The following GABBR2 variants were observed in gnomAD, a reference collection of about 807,000 sequenced individuals.
GABBR2 encodes the protein G-protein coupled receptor 51.
A neutral mutation model predicts 105.6 loss-of-function variants in GABBR2; 23 were observed. The observed-to-expected ratio is 0.22, with a 90% confidence interval of 0.16 to 0.31. The LOEUF (loss-of-function observed/expected upper bound fraction) is 0.31. Ranked by LOEUF, GABBR2 falls within the 10% of genes least tolerant of loss-of-function variation. The probability of loss-of-function intolerance (pLI) is 1.00; values close to 1 mark genes in which losing one functional copy is unlikely to be tolerated. For synonymous variants in GABBR2, 478 were observed against 499.7 expected (o/e 0.96, Z 0.58); for missense variants, 734 against 1,245.5 (o/e 0.59, Z 6.18).
intron 14 of GABBR2, among the ~76,000 whole-genome samples, chr9:98,308,199 T>C (rs1830580637): frequency 6.6e-6 from 1 of 152,144 alleles, no homozygotes; most frequent in East Asian, 1.9e-4. Context: ...CTATCAGCCA[T>C]GCTACTGATG....
chr9:98,295,421 T>C (rs964012558), intron 17 of GABBR2, among the ~76,000 whole-genome samples: 3 of 152,074 alleles, frequency 2.0e-5, no homozygotes, highest in Non-Finnish European at 4.4e-5. Flanking sequence ...AGGGCTGTGA[T>C]GTGCCTTATG....
At chr9:98,300,920 C>T (rs1213207317) in intron 16 of GABBR2, among the ~76,000 whole-genome samples, 1 of 152,162 alleles carries the variant, frequency 6.6e-6, no homozygotes, top group African/African-American at 2.4e-5. Flanking sequence ...AGTCATGCCT[C>T]GTGTAATGAA....
chr9:98,535,125 G>A (rs1367524102), intron 3 of GABBR2, among the ~76,000 whole-genome samples: 2 of 152,112 alleles, frequency 1.3e-5, no homozygotes, highest in Non-Finnish European at 2.9e-5. Flanking sequence ...GGGGAACAGA[G>A]TCTCACTCTG....
chr9:98,441,464 T>C (rs1826030238), intron 7 of GABBR2, among the ~76,000 whole-genome samples: 1 of 152,074 alleles, frequency 6.6e-6, no homozygotes, highest in African/African-American at 2.4e-5. Flanking sequence ...ACCTCCTGGG[T>C]TCAAGCAATT....
At chr9:98,592,291 A>G (rs1033582739) in intron 1 of GABBR2, among the ~76,000 whole-genome samples, 1 of 152,196 alleles carries the variant, frequency 6.6e-6, no homozygotes, top group African/African-American at 2.4e-5. Flanking sequence ...CTTCCAGCCT[A>G]CCAGTGTGTG....
intron 3 of GABBR2, among the ~76,000 whole-genome samples, chr9:98,511,857 A>C (rs1017503640): frequency 3.3e-5 from 5 of 152,226 alleles, no homozygotes; most frequent in Admixed American, 3.3e-4. Context: ...ATTCCTTCTA[A>C]AACTATTCCA....
chr9:98,482,683 C>T (rs1487991619), intron 4 of GABBR2, among the ~76,000 whole-genome samples: 1 of 152,122 alleles, frequency 6.6e-6, no homozygotes, highest in Non-Finnish European at 1.5e-5. Flanking sequence ...ATCACAGCTC[C>T]ACCTCTGATT....
chr9:98,431,488 A>G (rs916277794), intron 7 of GABBR2, among the ~76,000 whole-genome samples: 3 of 151,360 alleles, frequency 2.0e-5, no homozygotes, highest in Admixed American at 1.3e-4. Flanking sequence ...AAGGTGATAG[A>G]AAAAAAAACC....
chr9:98,294,941 A>G (rs1830357499), intron 17 of GABBR2, among the ~76,000 whole-genome samples: 1 of 152,226 alleles, frequency 6.6e-6, no homozygotes, highest in South Asian at 2.1e-4. Flanking sequence ...TCAGGACCAT[A>G]CAAGGAGATT....
intron 1 of GABBR2, among the ~76,000 whole-genome samples, chr9:98,668,170 G>A (rs777715518): frequency 5.3e-5 from 8 of 152,146 alleles, no homozygotes; most frequent in African/African-American, 1.4e-4. Flanking sequence ...GGCCACAGTC[G>A]ACTTTCCCAT....
chr9:98,427,179 T>G (rs1166891491), intron 7 of GABBR2, among the ~76,000 whole-genome samples: 1 of 152,122 alleles, frequency 6.6e-6, no homozygotes, highest in African/African-American at 2.4e-5. Context: ...CAAACACAGT[T>G]GAGTGTCTTA....
chr9:98,633,907 C>G (rs1829847122), intron 1 of GABBR2, among the ~76,000 whole-genome samples: 1 of 152,192 alleles, frequency 6.6e-6, no homozygotes, highest in South Asian at 2.1e-4. Flanking sequence ...TGGGAGCTGT[C>G]TACCAGAAGC....
At chr9:98,479,787 T>C (rs1047103944) in intron 5 of GABBR2, among the ~76,000 whole-genome samples, 2 of 152,192 alleles carry the variant, frequency 1.3e-5, no homozygotes, top group Non-Finnish European at 2.9e-5. Flanking sequence ...TCTCTGGCAC[T>C]GTGCTCATGC....
intron 2 of GABBR2, among the ~76,000 whole-genome samples, chr9:98,556,708 G>C (rs559427222): frequency 6.6e-6 from 1 of 152,116 alleles, no homozygotes; most frequent in African/African-American, 2.4e-5. Flanking sequence ...CTGTAAAATG[G>C]GGAGAATAAG....
At chr9:98,408,490 A>C (rs1021698901) in intron 7 of GABBR2, among the ~76,000 whole-genome samples, 2 of 152,238 alleles carry the variant, frequency 1.3e-5, no homozygotes, top group African/African-American at 2.4e-5. Flanking sequence ...CCACTGTGCC[A>C]GCCAAGACAG....
At chr9:98,637,799 G>T (rs1299619660) in intron 1 of GABBR2, among the ~76,000 whole-genome samples, 1 of 152,162 alleles carries the variant, frequency 6.6e-6, no homozygotes, top group Non-Finnish European at 1.5e-5. Flanking sequence ...CAAGCCCCAT[G>T]TTGGGTTTCT....
At position 98,480,913 on chromosome 9, in the gene GABBR2, A is replaced by G. The variant is rs775875553; in HGVS notation, c.798+19T>C. The stretch of plus-strand genomic sequence containing the variant: ...GTGAACCTCCCCAAAGACACGAATG[A>G]TACAACTGTTTTACTTACACAACAG... On this transcript the variant is annotated intron_variant, in intron 5 of 18. Transcript: ENST00000259455. 16 of 1,481,150 alleles carry G rather than the reference A, an allele frequency of 1.1e-5. No individual in the cohort carries two copies. The Admixed American group carries it at 2.7e-4, about 25-fold the overall frequency. The allele number at this position is 1,481,150 out of a possible 1,614,324, so 91.8% of individuals were successfully genotyped here.
chr9:98,669,238 T>C (rs1412425171), intron 1 of GABBR2, among the ~76,000 whole-genome samples: 1 of 152,196 alleles, frequency 6.6e-6, no homozygotes, highest in Non-Finnish European at 1.5e-5. Flanking sequence ...TTTTTTGTTT[T>C]TTAATAAAAG....
At chr9:98,655,657 T>TA (rs1416444795) in intron 1 of GABBR2, among the ~76,000 whole-genome samples, 1 of 152,104 alleles carries the variant, frequency 6.6e-6, no homozygotes, top group African/African-American at 2.4e-5. Context: ...TATGCAGCCA[T>TA]AAAAAAGGAT....
Sources: allele counts gnomAD v4.1 joint callset (sites outside exome capture counted in the v4.1 genomes callset), GRCh38; gene constraint gnomAD v4.1.1; transcripts MANE v1.5; gene names NCBI Gene and HGNC (gene_info 2026-07-23, HGNC 2026-07-21).